The following ZNF503 variants were observed in gnomAD, a reference collection of about 807,000 sequenced individuals.
ZNF503 encodes the protein NocA-like zinc finger 2.
A neutral mutation model predicts 34.4 loss-of-function variants in ZNF503; 15 were observed. That is an observed-to-expected ratio of 0.44 (90% CI 0.29 to 0.67). The LOEUF is 0.67. ZNF503 is among the 30% of genes least tolerant of loss of function. The probability of loss-of-function intolerance (pLI) is 0.13; values close to 1 mark genes in which losing one functional copy is unlikely to be tolerated. For synonymous variants in ZNF503, 580 were observed against 456.8 expected (o/e 1.27, Z -3.44); for missense variants, 1,007 against 926.8 (o/e 1.09, Z -1.12).
In ZNF503 at chr10:75,401,274, G is replaced by T; in HGVS notation, c.146C>A (p.Pro49Gln). 6.3e-7 allele frequency: 1 copy of T among 1,589,032 alleles called. No homozygotes were observed. The highest frequency in any genetic ancestry group is 2.3e-5 in the East Asian group (1 of 43,560). Reference sequence around the variant, plus strand: ...CACAAAAGGCTTGGTGCTGCCGGCCGGGGACGAGCCTGGGCCGGGGCCGGA... The same window carrying T: ...CACAAAAGGCTTGGTGCTGCCGGCCTGGGACGAGCCTGGGCCGGGGCCGGA... Reference protein sequence around the residue: ...NSSGPGPGSSPAGSTKPFVHA... With the variant: ...NSSGPGPGSSQAGSTKPFVHA... The change falls in exon 1 of 2, where the codon CCG (proline) becomes CAG (glutamine). Residue 49 changes from proline (P) to glutamine (Q), a missense_variant. Transcript: ENST00000372524.
chr10:75,383,116 T>C, the ZNF503 span, among the ~76,000 whole-genome samples: 3 of 152,170 alleles, frequency 2.0e-5, no homozygotes, highest in African/African-American at 7.2e-5. Context: ...GGACACTGGG[T>C]TGGAAGCCCG....
At chr10:75,285,908 AGGGAGCG>A in the ZNF503 span, among the ~76,000 whole-genome samples, 3 of 152,148 alleles carry the variant, frequency 2.0e-5, no homozygotes, top group Admixed American at 2.0e-4. Flanking sequence ...TTTGCGGCTG[AGGGAGCG>A]GGTCTTGAGT....
At chr10:75,286,930 T>G in the ZNF503 span, among the ~76,000 whole-genome samples, 3 of 152,174 alleles carry the variant, frequency 2.0e-5, no homozygotes, top group East Asian at 5.8e-4. Flanking sequence ...TTGCAAATCT[T>G]TTTGTGTTCC....
the ZNF503 span, among the ~76,000 whole-genome samples, chr10:75,371,358 G>A: frequency 6.6e-6 from 1 of 152,180 alleles, no homozygotes; most frequent in African/African-American, 2.4e-5. Flanking sequence ...CCCAAACACT[G>A]GGAGCACTCA....
the ZNF503 span, among the ~76,000 whole-genome samples, chr10:75,392,289 G>A: frequency 6.6e-6 from 1 of 152,172 alleles, no homozygotes; most frequent in Non-Finnish European, 1.5e-5. Flanking sequence ...GCTTCACAGA[G>A]GACATGTGAC....
the ZNF503 span, among the ~76,000 whole-genome samples, chr10:75,306,846 C>T: frequency 3.9e-5 from 6 of 152,300 alleles, no homozygotes; most frequent in South Asian, 2.1e-4. Flanking sequence ...CCGTGAACCA[C>T]GCCCTTGTAA....
chr10:75,343,236 C>A, the ZNF503 span: 2 of 152,244 alleles, frequency 1.3e-5, no homozygotes, highest in African/African-American at 4.8e-5. Context: ...TTATCTTGTA[C>A]AAGATTCATG....
the ZNF503 span, among the ~76,000 whole-genome samples, chr10:75,379,796 A>T: frequency 1.3e-5 from 2 of 152,388 alleles, no homozygotes; most frequent in Admixed American, 1.3e-4. Context: ...AAATATGCAG[A>T]AAAGTGACAC....
the ZNF503 span, among the ~76,000 whole-genome samples, chr10:75,339,482 C>T: frequency 5.9e-5 from 9 of 152,196 alleles, no homozygotes; most frequent in African/African-American, 2.2e-4. Flanking sequence ...AAAATGTCAC[C>T]TGAGATAACC....
chr10:75,391,845 C>T, the ZNF503 span, among the ~76,000 whole-genome samples: 651 of 152,168 alleles, frequency 4.3e-3, 1 homozygote, highest in African/African-American at 0.014. Context: ...TTCCAGGTAC[C>T]GTGCTAGCTG....
the ZNF503 span, among the ~76,000 whole-genome samples, chr10:75,281,184 T>C: frequency 1.3e-5 from 2 of 152,078 alleles, no homozygotes; most frequent in African/African-American, 4.8e-5. Flanking sequence ...CTCAGGAATA[T>C]GGGAAGCCAC....
the ZNF503 span, among the ~76,000 whole-genome samples, chr10:75,337,917 ATGT>A: frequency 6.6e-6 from 1 of 152,246 alleles, no homozygotes; most frequent in Non-Finnish European, 1.5e-5. Flanking sequence ...CCTGGGCCAG[ATGT>A]TGTACTAAAT....
At chr10:75,370,123 A>G in the ZNF503 span, among the ~76,000 whole-genome samples, 1 of 151,970 alleles carries the variant, frequency 6.6e-6, no homozygotes. Context: ...TATCTTGGGG[A>G]GGTTAGAGTA....
At chr10:75,304,116 G>T in the ZNF503 span, among the ~76,000 whole-genome samples, 1 of 152,292 alleles carries the variant, frequency 6.6e-6, no homozygotes, top group African/African-American at 2.4e-5. Context: ...TTACAGGCGT[G>T]AGCCACCACG....
chr10:75,386,872 G>A, the ZNF503 span, among the ~76,000 whole-genome samples: 1 of 152,290 alleles, frequency 6.6e-6, no homozygotes, highest in South Asian at 2.1e-4. Flanking sequence ...TGTTTCTACT[G>A]GAGTTCATCC....
the ZNF503 span, among the ~76,000 whole-genome samples, chr10:75,327,490 C>T: frequency 6.6e-6 from 1 of 152,086 alleles, no homozygotes; most frequent in Non-Finnish European, 1.5e-5. Flanking sequence ...TTTCTTTATC[C>T]ATTCATATGT....
the ZNF503 span, among the ~76,000 whole-genome samples, chr10:75,371,820 C>T: frequency 6.6e-6 from 1 of 152,198 alleles, no homozygotes; most frequent in Non-Finnish European, 1.5e-5. Flanking sequence ...CATGAATATT[C>T]CCCCTGGCTT....
chr10:75,379,164 T>G, the ZNF503 span, among the ~76,000 whole-genome samples: 1 of 152,154 alleles, frequency 6.6e-6, no homozygotes, highest in Non-Finnish European at 1.5e-5. Context: ...CATTTTAAAA[T>G]ATGTAAATCA....
chr10:75,379,207 G>C, the ZNF503 span, among the ~76,000 whole-genome samples: 1 of 152,156 alleles, frequency 6.6e-6, no homozygotes, highest in Non-Finnish European at 1.5e-5. Flanking sequence ...CAGCCTAAGA[G>C]TGCTGGTTAG....
Sources: gnomAD v4.1 joint callset for allele counts (sites outside exome capture counted in the v4.1 genomes callset) on GRCh38, gnomAD v4.1.1 for gene constraint, MANE v1.5 for transcripts, NCBI Gene and HGNC (gene_info 2026-07-23, HGNC 2026-07-21) for gene names.